Variants in SLC24A3 observed in about 807,000 individuals in gnomAD.
The protein encoded by SLC24A3 is sodium/potassium/calcium exchanger 3.
In SLC24A3, 28 loss-of-function variants were observed where a neutral mutation model predicts 75.8. The observed-to-expected ratio is 0.37, with a 90% CI of 0.27 to 0.51. The LOEUF is 0.51. Among genes scored for constraint, SLC24A3 ranks in the 20% least tolerant of loss-of-function variants. The probability of loss-of-function intolerance (pLI) is 0.94; values close to 1 mark genes in which losing one functional copy is unlikely to be tolerated. For synonymous variants in SLC24A3, 372 were observed against 334.1 expected, an observed-to-expected ratio of 1.11 and a Z score of -1.24; for missense variants, 663 against 847.8, an observed-to-expected ratio of 0.78 and a Z score of 2.71.
intron 2 of SLC24A3, among the ~76,000 whole-genome samples, chr20:19,374,899 C>A (rs962107867): frequency 6.6e-6 from 1 of 152,170 alleles, no homozygotes; most frequent in African/African-American, 2.4e-5. Flanking sequence ...CTGGAGCCAC[C>A]CATAGCCGAT....
At position 19,655,949 on chromosome 20, in the gene SLC24A3, C is replaced by T. The variant is rs181254646; in HGVS notation, c.687+1813C>T. On this transcript the variant is annotated intron_variant, in intron 7 of 16. Transcript: ENST00000328041. ...TGTTGGTTCAGTGTCTCTTAAGAGC[C>T]CTAACTAATACAGCCCTCACTGGCT... is the stretch of plus-strand genomic sequence containing the variant. 5.3e-5 allele frequency among the ~76,000 whole-genome samples: 8 copies of T among 152,086 alleles called. No individual in the cohort carries two copies. The East Asian group carries it at 1.5e-3, about 29-fold the overall frequency.
At chr20:19,336,302 G>A (rs1985131961) in intron 2 of SLC24A3, among the ~76,000 whole-genome samples, 1 of 152,200 alleles carries the variant, frequency 6.6e-6, no homozygotes, top group Non-Finnish European at 1.5e-5. Flanking sequence ...GTAGAACAGT[G>A]CATTCAAGAC....
intron 2 of SLC24A3, among the ~76,000 whole-genome samples, chr20:19,456,749 A>G (rs1488274551): frequency 6.6e-6 from 1 of 152,194 alleles, no homozygotes; most frequent in Non-Finnish European, 1.5e-5. Context: ...GTCATTGGGC[A>G]AGACAGGCTA....
intron 1 of SLC24A3, among the ~76,000 whole-genome samples, chr20:19,247,745 G>C (rs1982537688): frequency 6.6e-6 from 1 of 152,004 alleles, no homozygotes; most frequent in East Asian, 1.9e-4. Flanking sequence ...TGATATATTG[G>C]GTTAATTAAA....
intron 1 of SLC24A3, among the ~76,000 whole-genome samples, chr20:19,253,275 G>A (rs1205096763): frequency 6.6e-6 from 1 of 152,274 alleles, no homozygotes; most frequent in Non-Finnish European, 1.5e-5. Flanking sequence ...GACCTGCCAC[G>A]CTTGGTTGCA....
intron 2 of SLC24A3, among the ~76,000 whole-genome samples, chr20:19,458,865 A>AT (rs1268178715): frequency 3.9e-5 from 6 of 152,206 alleles, no homozygotes; most frequent in African/African-American, 1.4e-4. Flanking sequence ...AGAAAAAGTG[A>AT]TTTTTTACTG....
At chr20:19,629,482 CCT>C (rs1430728065) in intron 6 of SLC24A3, among the ~76,000 whole-genome samples, 1 of 152,096 alleles carries the variant, frequency 6.6e-6, no homozygotes, top group Non-Finnish European at 1.5e-5. Context: ...GGACAGAGAG[CCT>C]ATTTGAAGAA....
chr20:19,526,153 A>G (rs1180223430), intron 3 of SLC24A3, among the ~76,000 whole-genome samples: 2 of 152,162 alleles, frequency 1.3e-5, no homozygotes, highest in Non-Finnish European at 2.9e-5. Flanking sequence ...CCACTGAGCC[A>G]TGAAGAGCAA....
intron 2 of SLC24A3, among the ~76,000 whole-genome samples, chr20:19,387,664 C>G (rs1372271913): frequency 6.6e-6 from 1 of 152,046 alleles, no homozygotes. Flanking sequence ...TGGTTTCATA[C>G]CATTGTGGTT....
rs998258362 is a variant in SLC24A3, at chr20:19,537,385, T to C, written c.348+21821T>C. 7.3e-4 allele frequency among the ~76,000 whole-genome samples: 111 copies of C among 152,136 alleles called. 1 individual carries two copies. The highest frequency in any genetic ancestry group is 4.1e-4 in the South Asian group (2 of 4,826). ...TCAAAAGTCAGGAAACAACAGGTGC[T>C]GGAGAGGATGTGGAGAAACAGGAAC... On this transcript the variant is annotated intron_variant, in intron 3 of 16. Coordinates refer to ENST00000328041, the MANE Select transcript of SLC24A3 (RefSeq NM_020689.4).
Position 19,212,882 on chromosome 20 carries a change from C to T in SLC24A3, c.40C>T (p.Arg14Cys). Residue 14 changes from arginine (R) to cysteine (C), a missense_variant, in exon 1 of 17, where the codon CGC (arginine) becomes TGC (cysteine). Coordinates refer to ENST00000328041, the MANE Select transcript of SLC24A3 (RefSeq NM_020689.4). ...CGACGAGGACCGCGCGCGTCGCCGC[C>T]GCCGCCGCCGCCGCCGGAGGGACCT... is the stretch of plus-strand genomic sequence containing the variant. ...SGDEDRARRR[R>C]RRRRRRDLLL... The T allele has an allele frequency of 7.8e-7, 1 of 1,283,690 alleles. No homozygotes were observed. The highest frequency in any genetic ancestry group is 9.9e-7 in the Non-Finnish European group (1 of 1,010,686). 79.5% of individuals were successfully genotyped at this position (1,283,690 alleles called of 1,614,324 possible). A position where few individuals can be genotyped will look rare whatever the true frequency, so the allele number is the denominator to read the frequency against.
intron 15 of SLC24A3, among the ~76,000 whole-genome samples, chr20:19,701,705 C>A (rs1016474770): frequency 1.3e-5 from 2 of 152,146 alleles, no homozygotes. Flanking sequence ...TTTCACTTCC[C>A]CATTGACCTC....
At chr20:19,631,808 G>A (rs937426389) in intron 6 of SLC24A3, among the ~76,000 whole-genome samples, 7 of 151,766 alleles carry the variant, frequency 4.6e-5, no homozygotes, top group African/African-American at 1.7e-4. Context: ...GTGTGTGTGT[G>A]TGTGTGTGTG....
chr20:19,316,855 C>G (rs945069492), intron 2 of SLC24A3, among the ~76,000 whole-genome samples: 1 of 152,048 alleles, frequency 6.6e-6, no homozygotes, highest in African/African-American at 2.4e-5. Flanking sequence ...ATTTTAAGTT[C>G]AGGGGTACAT....
chr20:19,283,936 G>A (rs1983735419), intron 2 of SLC24A3, among the ~76,000 whole-genome samples: 1 of 152,198 alleles, frequency 6.6e-6, no homozygotes, highest in Non-Finnish European at 1.5e-5. Context: ...GAGCGAGTCT[G>A]TCAGCAGGCC....
At chr20:19,665,802 TG>T in intron 7 of SLC24A3, 61 bp from the exon 8 acceptor site, 12 of 1,293,558 alleles carry the variant, frequency 9.3e-6, no homozygotes, top group Non-Finnish European at 1.2e-5. Context: ...CGTGTGTGTG[TG>T]TGTGTGTGTG....
chr20:19,473,920 A>T (rs1381497298), intron 2 of SLC24A3, among the ~76,000 whole-genome samples: 1 of 152,304 alleles, frequency 6.6e-6, no homozygotes, highest in East Asian at 1.9e-4. Flanking sequence ...TTTCTAATGA[A>T]CTTTTATTAA....
chr20:19,551,943 A>G (rs1041496549), intron 3 of SLC24A3, among the ~76,000 whole-genome samples: 3 of 152,148 alleles, frequency 2.0e-5, no homozygotes, highest in African/African-American at 7.2e-5. Context: ...AAGAAAACCA[A>G]AAACCCAAAA....
At chr20:19,407,540 C>T (rs981846103) in intron 2 of SLC24A3, among the ~76,000 whole-genome samples, 31 of 152,156 alleles carry the variant, frequency 2.0e-4, no homozygotes, top group African/African-American at 6.0e-4. Context: ...AGGAAAGATG[C>T]AGCAGAGAGA....
Sources: allele counts gnomAD v4.1 joint callset (sites outside exome capture counted in the v4.1 genomes callset), GRCh38; gene constraint gnomAD v4.1.1; transcripts MANE v1.5; gene names NCBI Gene and HGNC (gene_info 2026-07-23, HGNC 2026-07-21).